ST7: variants seen among roughly 807,000 people sequenced by gnomAD.
ST7 encodes suppressor of tumorigenicity 7 protein.
Under a neutral mutation model 78.7 loss-of-function variants are expected in ST7, and 28 were observed. The observed-to-expected ratio is 0.36, with a 90% confidence interval of 0.26 to 0.49. ST7 has a LOEUF of 0.49. ST7 is among the 20% of genes least tolerant of loss of function. ST7 has a pLI of 0.99. For synonymous variants in ST7, 247 were observed against 249.6 expected, an observed-to-expected ratio of 0.99 and a Z score of 0.10; for missense variants, 418 against 696.0, an observed-to-expected ratio of 0.60 and a Z score of 4.49.
intron 9 of ST7, among the ~76,000 whole-genome samples, chr7:117,160,283 C>CCCTTT (rs199651789): frequency 0.026 from 3,905 of 151,168 alleles, 68 homozygotes; most frequent in South Asian, 0.052. Context: ...TCACATGTAG[C>CCCTTT]AAATCAAATA....
At chr7:117,176,402 T>C (rs1808346494) in intron 10 of ST7, among the ~76,000 whole-genome samples, 1 of 152,234 alleles carries the variant, frequency 6.6e-6, no homozygotes, top group South Asian at 2.1e-4. Context: ...TTTCTAACAT[T>C]GGAGGAAATG....
Position 117,169,128 on chromosome 7 carries a change from A to T in ST7, c.964-1734A>T, listed in dbSNP as rs548071623. Among the ~76,000 whole-genome samples, 756 of 112,036 alleles carry T rather than the reference A, an allele frequency of 6.7e-3. 11 individuals are homozygous for T. Among genetic ancestry groups the T allele is most frequent in the African/African-American group, 0.023 (450 of 19,708 alleles). The allele number at this position is 112,036 out of a possible 152,430, so 73.5% of individuals were successfully genotyped here. ...GATAAGATTTTACCTTCTTTTTTTA[A>T]TCTTCTTCCTTTTTTTTTTTTTTTT... On this transcript the variant is annotated intron_variant, in intron 9 of 15. Coordinates refer to ENST00000323984, the MANE Select transcript of ST7 (RefSeq NM_001369598.1).
intron 1 of ST7, among the ~76,000 whole-genome samples, chr7:117,089,865 C>G (rs892324433): frequency 6.6e-6 from 1 of 152,086 alleles, no homozygotes; most frequent in African/African-American, 2.4e-5. Flanking sequence ...CCACCGCACC[C>G]GGCCTCAACA....
chr7:117,151,431 G>A (rs569171600), intron 9 of ST7, among the ~76,000 whole-genome samples: 1 of 152,208 alleles, frequency 6.6e-6, no homozygotes, highest in East Asian at 1.9e-4. Context: ...TCCTCACTTG[G>A]TTGGCTCCTT....
intron 1 of ST7, among the ~76,000 whole-genome samples, chr7:117,071,525 C>A (rs766039196): frequency 2.0e-5 from 3 of 152,204 alleles, no homozygotes; most frequent in Non-Finnish European, 4.4e-5. Context: ...TCTTCAAAGA[C>A]ACCATATGAA....
Position 117,170,842 on chromosome 7 carries a change from C to G in ST7, c.964-20C>G. ...GACATACATAATATACTAATTATTC[C>G]TTGGTTTCTTCTGCCCTAGTTAATG... On this transcript the variant is annotated intron_variant, in intron 9 of 15. Coordinates refer to ENST00000323984, the MANE Select transcript of ST7 (RefSeq NM_001369598.1). 7.5e-7 allele frequency: 1 copy of G among 1,333,490 alleles called. No individual in the cohort carries two copies. The highest frequency in any genetic ancestry group is 1.0e-6 in the Non-Finnish European group (1 of 957,020). 82.6% of individuals were successfully genotyped at this position (1,333,490 alleles called of 1,614,324 possible). A position where few individuals can be genotyped will look rare whatever the true frequency, so the allele number is the denominator to read the frequency against.
chr7:117,148,867 C>T (rs1267331315), intron 9 of ST7, among the ~76,000 whole-genome samples: 1 of 152,068 alleles, frequency 6.6e-6, no homozygotes, highest in Non-Finnish European at 1.5e-5. Context: ...GGCAGGGTTG[C>T]TTCTGTGAGC....
At chr7:117,150,041 G>C (rs1806129156) in intron 9 of ST7, among the ~76,000 whole-genome samples, 1 of 152,152 alleles carries the variant, frequency 6.6e-6, no homozygotes, top group South Asian at 2.1e-4. Context: ...TTGGGAGACA[G>C]AGCTGTGTCG....
At chr7:117,117,988 TC>T (rs1390215855) in intron 2 of ST7, 1 of 152,240 alleles carries the variant, frequency 6.6e-6, no homozygotes, top group East Asian at 1.9e-4. Flanking sequence ...CCATTCCTAG[TC>T]ATTCCAAATG....
chr7:116,999,939 T>G (rs910183172), intron 1 of ST7, among the ~76,000 whole-genome samples: 3 of 150,648 alleles, frequency 2.0e-5, no homozygotes, highest in African/African-American at 7.3e-5. Flanking sequence ...GCCTCCCAAG[T>G]AGCTGGGACT....
At chr7:117,200,659 G>A (rs956867234) in intron 12 of ST7, among the ~76,000 whole-genome samples, 3 of 152,068 alleles carry the variant, frequency 2.0e-5, no homozygotes, top group Non-Finnish European at 4.4e-5. Context: ...TTTCAGCAGC[G>A]GGGCAGACTG....
At chr7:116,975,255 A>G (rs936836476) in intron 1 of ST7, among the ~76,000 whole-genome samples, 2 of 152,128 alleles carry the variant, frequency 1.3e-5, no homozygotes, top group Admixed American at 6.5e-5. Context: ...CTTATTCACT[A>G]TCACAACAGC....
chr7:117,212,736 G>A (rs922545419), intron 13 of ST7, among the ~76,000 whole-genome samples: 1 of 151,740 alleles, frequency 6.6e-6, no homozygotes, highest in African/African-American at 2.4e-5. Flanking sequence ...TTTTCAACAA[G>A]CATAAATATG....
intron 1 of ST7, among the ~76,000 whole-genome samples, chr7:117,082,216 C>T (rs1297741657): frequency 6.6e-6 from 1 of 152,148 alleles, no homozygotes; most frequent in African/African-American, 2.4e-5. Flanking sequence ...TAGCTAGGGG[C>T]AGTAGTCTAC....
At chr7:117,199,658 A>G (rs983571672) in intron 12 of ST7, among the ~76,000 whole-genome samples, 8 of 152,216 alleles carry the variant, frequency 5.3e-5, no homozygotes, top group Admixed American at 2.0e-4. Flanking sequence ...GCATTCAGCT[A>G]GCACTTATTG....
chr7:117,017,265 A>G (rs1350556941), intron 1 of ST7, among the ~76,000 whole-genome samples: 1 of 152,136 alleles, frequency 6.6e-6, no homozygotes, highest in African/African-American at 2.4e-5. Flanking sequence ...TGTCTCACTC[A>G]CTAAGATACA....
chr7:116,995,669 G>A (rs1319008034), intron 1 of ST7, among the ~76,000 whole-genome samples: 4 of 152,144 alleles, frequency 2.6e-5, no homozygotes, highest in Non-Finnish European at 5.9e-5. Flanking sequence ...CTCCTGATAT[G>A]GATCATAACT....
intron 12 of ST7, among the ~76,000 whole-genome samples, chr7:117,202,709 T>C (rs549183584): frequency 6.6e-6 from 1 of 152,284 alleles, no homozygotes; most frequent in East Asian, 1.9e-4. Flanking sequence ...TCTCTCAAAA[T>C]TGCAAACTGC....
intron 1 of ST7, among the ~76,000 whole-genome samples, chr7:117,046,441 A>G (rs1225013773): frequency 6.6e-6 from 1 of 151,938 alleles, no homozygotes; most frequent in Non-Finnish European, 1.5e-5. Context: ...CTGCTTGGTG[A>G]ATCTATGCTT....
Sources: gnomAD v4.1 joint callset for allele counts (sites outside exome capture counted in the v4.1 genomes callset) on GRCh38, gnomAD v4.1.1 for gene constraint, MANE v1.5 for transcripts, NCBI Gene and HGNC (gene_info 2026-07-23, HGNC 2026-07-21) for gene names.